DIAPH2: variants seen among roughly 807,000 people sequenced by gnomAD.
DIAPH2 encodes the protein diaphanous related formin 2, also known as protein diaphanous homolog 2.
A neutral mutation model predicts 92.7 loss-of-function variants in DIAPH2; 35 were observed. The ratio of observed to expected loss-of-function variants is 0.38; its 90% CI spans 0.29 to 0.50. The LOEUF (loss-of-function observed/expected upper bound fraction) is 0.50, where lower values mean the gene tolerates loss of function less well. Among genes scored for constraint, DIAPH2 ranks in the 20% least tolerant of loss-of-function variants. The pLI, the probability that DIAPH2 is intolerant of heterozygous loss-of-function variation, is 0.94. For missense variants in DIAPH2, 701 were observed against 819.5 expected (o/e 0.86, Z 1.77); for synonymous variants, 301 against 280.4 (o/e 1.07, Z -0.73).
chrX:97,111,162 A>C (rs1347416178), intron 20 of DIAPH2, among the ~76,000 whole-genome samples: 4 of 112,356 alleles, frequency 3.6e-5, no homozygotes, highest in African/African-American at 1.3e-4. Flanking sequence ...AAAAAAGAAG[A>C]AAGTAAACGT....
chrX:96,932,741 G>C (rs1412191394), intron 10 of DIAPH2, among the ~76,000 whole-genome samples: 2 of 110,854 alleles, frequency 1.8e-5, no homozygotes, highest in Non-Finnish European at 3.8e-5. Flanking sequence ...GGGTGATTGG[G>C]ATATCCATCA....
At chrX:97,161,304 T>C (rs2067370922) in intron 22 of DIAPH2, among the ~76,000 whole-genome samples, 1 of 111,509 alleles carries the variant, frequency 9.0e-6, no homozygotes, top group African/African-American at 3.2e-5. Flanking sequence ...ATGGATTATA[T>C]ATAAAAATTT....
intron 23 of DIAPH2, among the ~76,000 whole-genome samples, chrX:97,278,002 C>T (rs778293794): frequency 1.7e-4 from 19 of 111,490 alleles, no homozygotes; most frequent in South Asian, 3.8e-4. Flanking sequence ...CGCGCCACCA[C>T]GCCTAGTTAA....
chrX:96,813,855 T>G lies in DIAPH2; in HGVS notation c.447+55597T>G, dbSNP rs755831770. On this transcript the variant is annotated intron_variant, in intron 4 of 26. Coordinates refer to ENST00000324765, the MANE Select transcript of DIAPH2 (RefSeq NM_006729.5). ...TTAAGACTTTTGAATATTGGCCCCCTCTCTCTTCTGTCTTGTAGGATTTCT... is the reference window on the plus strand; with the variant it reads ...TTAAGACTTTTGAATATTGGCCCCCGCTCTCTTCTGTCTTGTAGGATTTCT... Among the ~76,000 whole-genome samples the G allele has an allele frequency of 5.4e-5, 6 of 112,079 alleles. No homozygotes were observed. In the South Asian group the frequency reaches 2.2e-3, roughly 42 times the overall value.
chrX:97,286,641 T>C (rs188423130), intron 23 of DIAPH2, among the ~76,000 whole-genome samples: 2 of 111,234 alleles, frequency 1.8e-5, no homozygotes, highest in Admixed American at 1.9e-4. Context: ...TCCCAGATGT[T>C]CCTCTTGGAT....
intron 21 of DIAPH2, among the ~76,000 whole-genome samples, chrX:97,129,117 T>TTTTCTTTTCTTTTCTTTTC (rs2067115161): frequency 5.0e-5 from 4 of 80,140 alleles, no homozygotes; most frequent in African/African-American, 2.2e-4. Flanking sequence ...TTTTCTTTTC[T>TTTTCTTTTCTTTTCTTTTC]TTTCTTTTCT....
chrX:97,166,355 C>T (rs1038695374), intron 22 of DIAPH2, among the ~76,000 whole-genome samples: 51 of 111,457 alleles, frequency 4.6e-4, no homozygotes, highest in African/African-American at 1.6e-3. Context: ...CAATAATGCC[C>T]ATAAAATGAT....
intron 4 of DIAPH2, among the ~76,000 whole-genome samples, chrX:96,875,127 A>C (rs2065169744): frequency 8.9e-6 from 1 of 112,567 alleles, no homozygotes; most frequent in Non-Finnish European, 1.9e-5. Flanking sequence ...TGCATATGCA[A>C]CATAAATAAA....
chrX:97,524,221 T>C (rs1244240616), intron 26 of DIAPH2, among the ~76,000 whole-genome samples: 1 of 112,064 alleles, frequency 8.9e-6, no homozygotes, highest in Non-Finnish European at 1.9e-5. Context: ...TAGAACAGTG[T>C]TTGGCAAATA....
At chrX:96,741,863 TCTC>T (rs773177738) in intron 3 of DIAPH2, among the ~76,000 whole-genome samples, 85 of 111,776 alleles carry the variant, frequency 7.6e-4, no homozygotes, top group African/African-American at 2.5e-3. Flanking sequence ...TATTTTTTTG[TCTC>T]CTCAACATTC....
intron 9 of DIAPH2, among the ~76,000 whole-genome samples, chrX:96,925,522 C>A (rs1157323785): frequency 1.8e-5 from 2 of 111,503 alleles, no homozygotes; most frequent in Admixed American, 1.9e-4. Flanking sequence ...AGCATTGTTA[C>A]ATCTCACTGT....
At chrX:97,229,855 T>C (rs779949369) in intron 22 of DIAPH2, among the ~76,000 whole-genome samples, 136 of 101,678 alleles carry the variant, frequency 1.3e-3, no homozygotes, top group African/African-American at 4.9e-3. Context: ...ATATATAACA[T>C]ATTATATATT....
intron 26 of DIAPH2, among the ~76,000 whole-genome samples, chrX:97,506,530 T>C (rs1179227610): frequency 8.3e-5 from 9 of 107,886 alleles, no homozygotes; most frequent in African/African-American, 3.1e-4. Flanking sequence ...TAATTCTTTC[T>C]TGGCTTATAG....
intron 22 of DIAPH2, among the ~76,000 whole-genome samples, chrX:97,193,620 G>A (rs762596922): frequency 4.5e-5 from 5 of 112,057 alleles, no homozygotes; most frequent in Non-Finnish European, 9.4e-5. Context: ...CATTCTACTG[G>A]TGCTGGAAAA....
chrX:97,587,508 T>TA lies in DIAPH2; in HGVS notation c.3242-11737dup, dbSNP rs893161484. ...AGATTTTCATTGCTTCTCAAGGGCA[T>TA]AAAAAAAATACCCTCGCCTATGATG... is the stretch of plus-strand genomic sequence containing the variant. On this transcript the variant is annotated intron_variant, in intron 26 of 26. Coordinates refer to ENST00000324765, the MANE Select transcript of DIAPH2 (RefSeq NM_006729.5). Among the ~76,000 whole-genome samples the TA allele has an allele frequency of 2.7e-5, 3 of 111,523 alleles. No individual in the cohort carries two copies. The East Asian group carries it at 8.4e-4, about 31-fold the overall frequency.
chrX:96,871,805 T>G (rs1048551417), intron 4 of DIAPH2, among the ~76,000 whole-genome samples: 1 of 112,540 alleles, frequency 8.9e-6, no homozygotes, highest in Non-Finnish European at 1.9e-5. Context: ...GTTCATAGTT[T>G]TATTCATAGT....
chrX:97,361,868 G>C (rs1172537170), intron 24 of DIAPH2, among the ~76,000 whole-genome samples: 1 of 111,765 alleles, frequency 8.9e-6, no homozygotes, highest in African/African-American at 3.2e-5. Flanking sequence ...CCAGGATTGT[G>C]CCACATGCCC....
At chrX:97,057,223 T>A (rs1302593015) in intron 17 of DIAPH2, among the ~76,000 whole-genome samples, 1 of 111,842 alleles carries the variant, frequency 8.9e-6, no homozygotes, top group East Asian at 2.8e-4. Flanking sequence ...AATGTTAGTT[T>A]GGCAGTTATG....
At chrX:96,932,413 G>A (rs943812552) in intron 10 of DIAPH2, among the ~76,000 whole-genome samples, 4 of 110,501 alleles carry the variant, frequency 3.6e-5, no homozygotes, top group Non-Finnish European at 7.6e-5. Flanking sequence ...TTCAGAAAAG[G>A]TATGGTATTG....
Sources: allele counts gnomAD v4.1 joint callset (sites outside exome capture counted in the v4.1 genomes callset), GRCh38; gene constraint gnomAD v4.1.1; transcripts MANE v1.5; gene names NCBI Gene and HGNC (gene_info 2026-07-23, HGNC 2026-07-21).